ELF4: variants seen among roughly 807,000 people sequenced by gnomAD.
ELF4 encodes E74 like ETS transcription factor 4.
In ELF4, 10 loss-of-function variants were observed where a neutral mutation model predicts 31.7. The ratio of observed to expected loss-of-function variants is 0.32; its 90% CI spans 0.19 to 0.54. ELF4 has a LOEUF of 0.54. ELF4 is among the 20% of genes least tolerant of loss of function. The probability of loss-of-function intolerance (pLI) is 0.95; values close to 1 mark genes in which losing one functional copy is unlikely to be tolerated. For synonymous variants in ELF4, 208 were observed against 226.7 expected (o/e 0.92, Z 0.74); for missense variants, 418 against 522.0 (o/e 0.80, Z 1.94).
intron 1 of ELF4, among the ~76,000 whole-genome samples, chrX:130,108,527 A>G (rs1933414814): frequency 9.0e-6 from 1 of 110,813 alleles, no homozygotes; most frequent in South Asian, 3.9e-4. Flanking sequence ...CATTTTGGAC[A>G]TGCTATCACT....
chrX:130,070,136 T>G (rs749708578), intron 7 of ELF4, among the ~76,000 whole-genome samples: 23 of 111,620 alleles, frequency 2.1e-4, no homozygotes, highest in African/African-American at 7.5e-4. Context: ...GCTCTTCCAT[T>G]ATAAAAAGCA....
rs5977204 is a variant in ELF4 at position 130,077,765 on chromosome X, A to T, written c.76-3013T>A. ...GTGATCACATGATTGACCCCCTAGG[A>T]TTGTTAAAACAGATCAATACACATA... On this transcript the variant is annotated intron_variant, in intron 2 of 8. Coordinates refer to ENST00000308167, the MANE Select transcript of ELF4 (RefSeq NM_001421.4). 7.5e-3 allele frequency among the ~76,000 whole-genome samples: 840 copies of T among 111,935 alleles called. 11 individuals are homozygous for T. The highest frequency in any genetic ancestry group is 0.026 in the African/African-American group (798 of 30,812).
At chrX:130,109,049 A>C (rs1933426088) in intron 1 of ELF4, among the ~76,000 whole-genome samples, 1 of 112,964 alleles carries the variant, frequency 8.9e-6, no homozygotes, top group Non-Finnish European at 1.9e-5. Flanking sequence ...ACTAACTGCA[A>C]GGAAGGACTG....
intron 1 of ELF4, among the ~76,000 whole-genome samples, chrX:130,091,440 A>T (rs755006618): frequency 1.8e-5 from 2 of 110,919 alleles, no homozygotes; most frequent in African/African-American, 6.6e-5. Flanking sequence ...AAAAATATAT[A>T]TTTTTTCAAA....
chrX:130,068,737 G>C (rs1446188775), intron 8 of ELF4, among the ~76,000 whole-genome samples: 1 of 112,574 alleles, frequency 8.9e-6, no homozygotes, highest in Non-Finnish European at 1.9e-5. Flanking sequence ...GAATGGAGGA[G>C]GCTTAGGAGG....
chrX:130,073,158 G>A lies in ELF4; in HGVS notation c.341-741C>T, dbSNP rs565052881. 1.6e-4 allele frequency among the ~76,000 whole-genome samples: 18 copies of A among 111,426 alleles called. No homozygotes were observed. The South Asian group carries it at 6.7e-3, about 41-fold the overall frequency. Reference sequence around the variant, plus strand: ...GGCTGGAGTGCAATAGTGTGATCTCGGCTCATTGCAACCTCTGCCTCCCGG... The same window carrying A: ...GGCTGGAGTGCAATAGTGTGATCTCAGCTCATTGCAACCTCTGCCTCCCGG... On this transcript the variant is annotated intron_variant, in intron 4 of 8. Transcript: ENST00000308167.
rs1427947484 is a variant in ELF4 at position 130,067,133 on chromosome X, G to A, written c.1580C>T (p.Thr527Ile). The change falls in exon 9 of 9, where the codon ACT becomes ATT. Residue 527 changes from threonine (T) to isoleucine (I), a missense_variant. By Grantham distance (89) the Thr-to-Ile change is moderately conservative. Transcript: ENST00000308167. The stretch of plus-strand genomic sequence containing the variant: ...CCTAGGGGCTGCTGTAGTGCCAGAA[G>A]TCCTGATGAAGGCAGCAATGACAGT... ...PGTVIAAFIR[T>I]SGTTAAPRVK... The A allele has an allele frequency of 6.7e-6, 8 of 1,199,764 alleles. No homozygotes were observed. Among genetic ancestry groups the A allele is most frequent in the Non-Finnish European group, 9.0e-6 (8 of 889,022 alleles).
At chrX:130,107,897 C>T (rs1223781305) in intron 1 of ELF4, among the ~76,000 whole-genome samples, 1 of 112,699 alleles carries the variant, frequency 8.9e-6, no homozygotes, top group Non-Finnish European at 1.9e-5. Context: ...GGGATTTCAA[C>T]CTAGACAGCC....
intron 4 of ELF4, among the ~76,000 whole-genome samples, chrX:130,072,964 G>A (rs763378429): frequency 8.9e-6 from 1 of 112,169 alleles, no homozygotes; most frequent in South Asian, 3.7e-4. Flanking sequence ...CACCCCTTGG[G>A]AGAAGGCAAT....
intron 1 of ELF4, among the ~76,000 whole-genome samples, chrX:130,101,416 T>C (rs912452076): frequency 1.1e-4 from 12 of 112,346 alleles, no homozygotes; most frequent in African/African-American, 3.9e-4. Context: ...TTAAGCAACT[T>C]TTTAGGCTAA....
intron 7 of ELF4, among the ~76,000 whole-genome samples, chrX:130,070,081 C>T (rs1242792890): frequency 1.8e-5 from 2 of 111,650 alleles, no homozygotes; most frequent in Non-Finnish European, 3.8e-5. Context: ...CTCTGGCTTG[C>T]AGATGTGAAG....
chrX:130,081,670 G>A (rs1932890242), intron 1 of ELF4, 131 bp from the exon 2 acceptor site: 1 of 309,830 alleles, frequency 3.2e-6, no homozygotes, highest in Non-Finnish European at 5.8e-6. Flanking sequence ...GCCGAAACGG[G>A]AGGATGATGA....
chrX:130,073,182 G>A (rs1213492643), intron 4 of ELF4, among the ~76,000 whole-genome samples: 2 of 111,424 alleles, frequency 1.8e-5, no homozygotes, highest in Non-Finnish European at 3.8e-5. Flanking sequence ...TCTGCCTCCC[G>A]GGTTCAAGCG....
intron 1 of ELF4, among the ~76,000 whole-genome samples, chrX:130,101,364 A>G (rs1933249034): frequency 3.5e-5 from 4 of 112,839 alleles, no homozygotes. Context: ...ATGAAGAGCA[A>G]ATAACAAATA....
intron 1 of ELF4, among the ~76,000 whole-genome samples, chrX:130,104,265 C>T (rs1663582757): frequency 1.0e-5 from 1 of 97,149 alleles, no homozygotes; most frequent in African/African-American, 3.8e-5. Context: ...CACTGCCTGC[C>T]ATTCAGTATA....
At chrX:130,100,160 T>A (rs1022752649) in intron 1 of ELF4, among the ~76,000 whole-genome samples, 3 of 111,336 alleles carry the variant, frequency 2.7e-5, no homozygotes, top group Non-Finnish European at 5.7e-5. Flanking sequence ...GGAGTGAATG[T>A]GAAAATCCTT....
At chrX:130,100,427 C>T (rs1364230832) in intron 1 of ELF4, among the ~76,000 whole-genome samples, 10 of 104,568 alleles carry the variant, frequency 9.6e-5, no homozygotes, top group East Asian at 3.0e-4. Flanking sequence ...CTACCTACTC[C>T]GGCTTGTTTC....
chrX:130,068,503 A>G (rs1470633311), intron 8 of ELF4, among the ~76,000 whole-genome samples: 1 of 111,639 alleles, frequency 9.0e-6, no homozygotes, highest in African/African-American at 3.3e-5. Flanking sequence ...AGGGTGTCTC[A>G]CTGCGCCAGC....
At chrX:130,089,318 C>T (rs1251275351) in intron 1 of ELF4, among the ~76,000 whole-genome samples, 2 of 106,180 alleles carry the variant, frequency 1.9e-5, no homozygotes, top group Non-Finnish European at 3.9e-5. Context: ...GCCTGGGCAA[C>T]ATGGCAAAAC....
Sources: allele counts gnomAD v4.1 joint callset (sites outside exome capture counted in the v4.1 genomes callset), GRCh38; gene constraint gnomAD v4.1.1; transcripts MANE v1.5; gene names NCBI Gene and HGNC (gene_info 2026-07-23, HGNC 2026-07-21).